Variants in PRDM11 observed in about 807,000 individuals in gnomAD.
PRDM11 encodes PR domain-containing protein 11.
PRDM11 carries 20 observed loss-of-function variants against 97.8 expected under a neutral mutation model. That is an observed-to-expected ratio of 0.20 (90% confidence interval 0.14 to 0.30). The LOEUF (loss-of-function observed/expected upper bound fraction) is 0.30, where lower values mean the gene tolerates loss of function less well. PRDM11 is among the 10% of genes least tolerant of loss of function. The pLI, the probability that PRDM11 is intolerant of heterozygous loss-of-function variation, is 1.00. For synonymous variants in PRDM11, 599 were observed against 637.7 expected, an observed-to-expected ratio of 0.94 and a Z score of 0.91; for missense variants, 1,139 against 1,555.2, an observed-to-expected ratio of 0.73 and a Z score of 4.50.
chr11:45,133,549 T>C (rs1852766415), intron 1 of PRDM11, among the ~76,000 whole-genome samples: 1 of 152,180 alleles, frequency 6.6e-6, no homozygotes, highest in South Asian at 2.1e-4. Context: ...CTGACCCAGA[T>C]TTTTTTAGTT....
At chr11:45,154,312 C>T (rs767558776) in intron 1 of PRDM11, among the ~76,000 whole-genome samples, 1 of 152,122 alleles carries the variant, frequency 6.6e-6, no homozygotes, top group Admixed American at 6.5e-5. Flanking sequence ...GCTGAGATCG[C>T]ACCACTGTAC....
At chr11:45,115,950 G>T (rs928220645) in intron 1 of PRDM11, among the ~76,000 whole-genome samples, 1 of 138,668 alleles carries the variant, frequency 7.2e-6, no homozygotes, top group African/African-American at 2.7e-5. Flanking sequence ...AAGAAAAAAA[G>T]AAAAAAAAAA....
Position 45,234,958 on chromosome 11 carries a change from G to GAC in PRDM11, c.*6800_*6801dup, listed in dbSNP as rs1454313389. 1.3e-5 allele frequency: 2 copies of GAC among 152,124 alleles called. No homozygotes were observed. Among genetic ancestry groups the GAC allele is most frequent in the Non-Finnish European group, 2.9e-5 (2 of 68,018 alleles). The allele number at this position is 152,124 out of a possible 1,614,324, so 9.4% of individuals were successfully genotyped here. On this transcript the variant is annotated 3_prime_UTR_variant, in exon 8 of 8. Transcript: ENST00000683152. ...AACCTCTTGATGTTATTATTTTGCA[G>GAC]ACTACGCTTTATAGTACCTGTGTGA... is the stretch of plus-strand genomic sequence containing the variant.
intron 4 of PRDM11, among the ~76,000 whole-genome samples, chr11:45,192,201 G>A (rs1480624009): frequency 1.3e-5 from 2 of 152,134 alleles, no homozygotes; most frequent in African/African-American, 4.8e-5. Flanking sequence ...AGTCAGGTGG[G>A]GATGGTATTA....
chr11:45,142,162 C>G (rs932238390), upstream of PRDM11, among the ~76,000 whole-genome samples: 5 of 152,198 alleles, frequency 3.3e-5, no homozygotes, highest in African/African-American at 1.2e-4. Context: ...AAATCAAGTT[C>G]CGGGTCTCCC....
chr11:45,100,203 T>C (rs1043748476), intron 1 of PRDM11, among the ~76,000 whole-genome samples: 5 of 152,240 alleles, frequency 3.3e-5, no homozygotes, highest in African/African-American at 1.2e-4. Flanking sequence ...ATTTGAAAGT[T>C]TGAGTAATTA....
chr11:45,138,354 T>C (rs1852921574), intron 1 of PRDM11, among the ~76,000 whole-genome samples: 1 of 152,132 alleles, frequency 6.6e-6, no homozygotes, highest in African/African-American at 2.4e-5. Context: ...TCACTTACAC[T>C]CAGGAGTGCA....
At chr11:45,122,764 C>A (rs1242551212) in intron 1 of PRDM11, among the ~76,000 whole-genome samples, 1 of 152,064 alleles carries the variant, frequency 6.6e-6, no homozygotes, top group Non-Finnish European at 1.5e-5. Context: ...GGGTTGGTTC[C>A]AAGTCTTTGC....
At chr11:45,150,442 C>T (rs984299431) in intron 1 of PRDM11, among the ~76,000 whole-genome samples, 2 of 152,200 alleles carry the variant, frequency 1.3e-5, no homozygotes, top group African/African-American at 4.8e-5. Context: ...CACCAAACAC[C>T]TTCTGTTGAA....
intron 1 of PRDM11, among the ~76,000 whole-genome samples, chr11:45,178,444 C>G (rs1026259433): frequency 3.3e-5 from 5 of 152,196 alleles, no homozygotes; most frequent in Admixed American, 1.3e-4. Context: ...ATCCTACCCC[C>G]CAGTGCACCT....
chr11:45,100,322 G>A (rs1447039614), intron 1 of PRDM11, among the ~76,000 whole-genome samples: 2 of 152,142 alleles, frequency 1.3e-5, no homozygotes, highest in South Asian at 4.1e-4. Flanking sequence ...GTGATGGGGT[G>A]ATCCTCACAC....
chr11:45,209,016 A>G (rs997826749), intron 5 of PRDM11: 2 of 456,606 alleles, frequency 4.4e-6, no homozygotes, highest in African/African-American at 4.0e-5. Flanking sequence ...TGACAGGGAC[A>G]AGATTTGGGA....
chr11:45,208,737 A>T, intron 5 of PRDM11: 1 of 352,680 alleles, frequency 2.8e-6, no homozygotes, highest in Non-Finnish European at 5.6e-6. Context: ...ACCTCTCAGT[A>T]GGAGGAGGGT....
chr11:45,125,829 G>A (rs1160154900), intron 1 of PRDM11, among the ~76,000 whole-genome samples: 2 of 152,186 alleles, frequency 1.3e-5, no homozygotes, highest in South Asian at 2.1e-4. Context: ...GATTTGGGGT[G>A]GAGAGTTCTG....
rs77848017 is a variant in PRDM11 at position 45,194,361 on chromosome 11, G to A, written c.487-10350G>A. Reference sequence around the variant, plus strand: ...TAAACTTCCTGGCTTTGCCGCAGAAGATTTGGGGTTTCTTGGTGTTTGAAA... The same window carrying A: ...TAAACTTCCTGGCTTTGCCGCAGAAAATTTGGGGTTTCTTGGTGTTTGAAA... On this transcript the variant is annotated intron_variant, in intron 4 of 7. Transcript: ENST00000683152. Among the ~76,000 whole-genome samples the A allele has an allele frequency of 4.7e-3, 713 of 152,248 alleles. 50 individuals are homozygous for A. The East Asian group carries it at 0.12, about 26-fold the overall frequency.
intron 4 of PRDM11, among the ~76,000 whole-genome samples, chr11:45,192,110 G>A (rs1852936351): frequency 6.6e-6 from 1 of 151,978 alleles, no homozygotes; most frequent in Non-Finnish European, 1.5e-5. Context: ...TGATGCAAAT[G>A]TCCTACCATG....
chr11:45,191,612 C>G (rs577584318), intron 4 of PRDM11, among the ~76,000 whole-genome samples: 1 of 152,114 alleles, frequency 6.6e-6, no homozygotes, highest in African/African-American at 2.4e-5. Flanking sequence ...CAAACTGGCT[C>G]CTTGTTCTTT....
intron 1 of PRDM11, among the ~76,000 whole-genome samples, chr11:45,149,267 C>T (rs924102925): frequency 1.3e-5 from 2 of 152,204 alleles, no homozygotes; most frequent in African/African-American, 4.8e-5. Context: ...AGAAGTCTTT[C>T]CAGTGTGTTG....
intron 1 of PRDM11, among the ~76,000 whole-genome samples, chr11:45,165,455 G>A (rs1283625546): frequency 6.6e-6 from 1 of 152,244 alleles, no homozygotes; most frequent in African/African-American, 2.4e-5. Context: ...CTGAGGCTGG[G>A]TTCTCAGGGG....
Sources: gnomAD v4.1 joint callset for allele counts (sites outside exome capture counted in the v4.1 genomes callset) on GRCh38, gnomAD v4.1.1 for gene constraint, MANE v1.5 for transcripts, NCBI Gene and HGNC (gene_info 2026-07-23, HGNC 2026-07-21) for gene names.